The following MAN2A1 variants were observed in gnomAD, a reference collection of about 807,000 sequenced individuals.
MAN2A1 encodes mannosidase alpha class 2A member 1.
In MAN2A1, 76 loss-of-function variants were observed where a neutral mutation model predicts 142.6. The ratio of observed to expected loss-of-function variants is 0.53; its 90% CI spans 0.44 to 0.65. MAN2A1 has a LOEUF of 0.65. MAN2A1 is among the 30% of genes least tolerant of loss of function. MAN2A1 has a pLI of 0.00. For missense variants in MAN2A1, 1,311 were observed against 1,365.1 expected (o/e 0.96, Z 0.62); for synonymous variants, 559 against 473.2 (o/e 1.18, Z -2.35).
intron 4 of MAN2A1, among the ~76,000 whole-genome samples, chr5:109,732,627 C>T (rs1751949526): frequency 1.3e-5 from 2 of 152,106 alleles, no homozygotes. Flanking sequence ...GGAATCCTTT[C>T]CCCATTGCTT....
At chr5:109,864,343 A>G (rs1304060132) in intron 20 of MAN2A1, 2 of 152,246 alleles carry the variant, frequency 1.3e-5, no homozygotes, top group African/African-American at 4.8e-5. Context: ...AATGGATATG[A>G]GAAATTTTAT....
chr5:109,825,983 T>G (rs1452335975), intron 16 of MAN2A1, among the ~76,000 whole-genome samples: 1 of 138,320 alleles, frequency 7.2e-6, no homozygotes, highest in Non-Finnish European at 1.5e-5. Flanking sequence ...CTCGGCTCAC[T>G]GCAGCCTCTG....
At chr5:109,773,448 AT>A (rs1193608375) in intron 7 of MAN2A1, among the ~76,000 whole-genome samples, 1 of 151,908 alleles carries the variant, frequency 6.6e-6, no homozygotes, top group East Asian at 1.9e-4. Context: ...TATATATTTG[AT>A]TATTTTTACT....
intron 9 of MAN2A1, among the ~76,000 whole-genome samples, chr5:109,782,415 G>A (rs927909478): frequency 6.6e-6 from 1 of 152,132 alleles, no homozygotes; most frequent in Non-Finnish European, 1.5e-5. Flanking sequence ...GCCATGTGTG[G>A]CTATGGCTAC....
chr5:109,813,188 T>C (rs1754364509), intron 12 of MAN2A1, among the ~76,000 whole-genome samples: 1 of 152,190 alleles, frequency 6.6e-6, no homozygotes, highest in Non-Finnish European at 1.5e-5. Flanking sequence ...ACAAATATAA[T>C]ATACTTGAAA....
chr5:109,800,343 A>T (rs2112695689), intron 12 of MAN2A1, among the ~76,000 whole-genome samples: 1 of 152,224 alleles, frequency 6.6e-6, no homozygotes, highest in Non-Finnish European at 1.5e-5. Flanking sequence ...CTCTGAAGAG[A>T]CTTGCTATAA....
At chr5:109,705,585 A>G (rs1032998353) in intron 1 of MAN2A1, among the ~76,000 whole-genome samples, 15 of 152,178 alleles carry the variant, frequency 9.9e-5, no homozygotes, top group Non-Finnish European at 5.9e-5. Context: ...TATAAGCTTT[A>G]TTTTTGTAGG....
chr5:109,716,528 A>G (rs1290673450), intron 3 of MAN2A1, among the ~76,000 whole-genome samples: 2 of 152,364 alleles, frequency 1.3e-5, no homozygotes, highest in African/African-American at 4.8e-5. Flanking sequence ...AAAACAGTAT[A>G]TAGTTTTAAG....
rs751756103 is a variant in MAN2A1, at chr5:109,755,310, C to T, written c.708-19C>T. On this transcript the variant is annotated intron_variant, in intron 4 of 21. Coordinates refer to ENST00000261483, the MANE Select transcript of MAN2A1 (RefSeq NM_002372.4). Reference sequence around the variant, plus strand: ...TTCTTAACATTTATTAATGTAGACTCTTGTTATTTTCTCTCTAGTTTAATA... The same window carrying T: ...TTCTTAACATTTATTAATGTAGACTTTTGTTATTTTCTCTCTAGTTTAATA... 1.9e-6 allele frequency: 3 copies of T among 1,593,376 alleles called. No homozygotes were observed. Among genetic ancestry groups the T allele is most frequent in the Non-Finnish European group, 2.6e-6 (3 of 1,164,020 alleles).
intron 12 of MAN2A1, among the ~76,000 whole-genome samples, chr5:109,815,238 T>C (rs1295897437): frequency 6.6e-6 from 1 of 152,148 alleles, no homozygotes; most frequent in Non-Finnish European, 1.5e-5. Context: ...AAATGTAATC[T>C]CTGGTAGGAG....
chr5:109,799,789 C>G (rs1753966548), intron 12 of MAN2A1, among the ~76,000 whole-genome samples: 1 of 147,280 alleles, frequency 6.8e-6, no homozygotes, highest in African/African-American at 2.5e-5. Flanking sequence ...CAAATCACAA[C>G]AAAAAATCTC....
intron 19 of MAN2A1, among the ~76,000 whole-genome samples, chr5:109,850,270 A>G (rs1755451495): frequency 6.6e-6 from 1 of 152,152 alleles, no homozygotes. Flanking sequence ...ACATTTTGCC[A>G]CTGTATTTAT....
chr5:109,690,546 C>G lies in MAN2A1; in HGVS notation c.129C>G (p.Phe43Leu). ...YPRNPRREGS[F>L]PQGQLSMLQE... ...GGAACCCGCGCCGCGAGGGCTCCTT[C>G]CCTCAGGTAAGCACCTGGGAAGGGG... Residue 43 changes from phenylalanine (F) to leucine (L), a missense_variant, in exon 1 of 22, where the codon TTC becomes TTG. Around this residue, in one of 3 missense-constraint regions of MAN2A1, gnomAD observed 409 missense variants for 412.7 expected, o/e 0.99. Transcript: ENST00000261483. The G allele has an allele frequency of 1.9e-6, 3 of 1,602,300 alleles. No homozygotes were observed. Among genetic ancestry groups the G allele is most frequent in the Non-Finnish European group, 2.6e-6 (3 of 1,174,378 alleles).
chr5:109,769,063 A>C (rs1285309251), intron 6 of MAN2A1, among the ~76,000 whole-genome samples: 2 of 152,192 alleles, frequency 1.3e-5, no homozygotes, highest in African/African-American at 4.8e-5. Context: ...AGAGTAGCGC[A>C]TAAGGAGAAT....
At chr5:109,809,311 T>G (rs981685210) in intron 12 of MAN2A1, among the ~76,000 whole-genome samples, 1 of 152,124 alleles carries the variant, frequency 6.6e-6, no homozygotes, top group Non-Finnish European at 1.5e-5. Context: ...TTTTTTTGTG[T>G]TGTCATTTAT....
Position 109,820,211 on chromosome 5 carries a change from A to C in MAN2A1, c.2329-9A>C. The C allele has an allele frequency of 6.3e-7, 1 of 1,596,388 alleles. No individual in the cohort carries two copies. Among genetic ancestry groups the C allele is most frequent in the Non-Finnish European group, 8.5e-7 (1 of 1,169,624 alleles). On this transcript the variant is annotated splice_polypyrimidine_tract_variant and intron_variant, in intron 14 of 21. Transcript: ENST00000261483. ...TGAGTTGCTTATTATTATTTTTTTT[A>C]ATCTTTAGCAAATGATGACTAAAGA...
intron 9 of MAN2A1, 71 bp from the exon 10 acceptor site, chr5:109,784,673 A>G: frequency 8.3e-7 from 1 of 1,202,446 alleles, no homozygotes; most frequent in Admixed American, 2.9e-5. Context: ...GTAAAGTATC[A>G]ATGTCACAAG....
At chr5:109,763,354 G>C (rs1332024241) in intron 5 of MAN2A1, among the ~76,000 whole-genome samples, 1 of 152,104 alleles carries the variant, frequency 6.6e-6, no homozygotes, top group Admixed American at 6.5e-5. Flanking sequence ...GAAAAGCCAG[G>C]TTCAGGGAGA....
intron 20 of MAN2A1, among the ~76,000 whole-genome samples, chr5:109,859,372 A>G (rs1352218940): frequency 6.6e-6 from 1 of 152,144 alleles, no homozygotes; most frequent in Non-Finnish European, 1.5e-5. Context: ...CTTTATATCA[A>G]TTTTTGGAAA....
Sources: allele counts gnomAD v4.1 joint callset (sites outside exome capture counted in the v4.1 genomes callset), GRCh38; gene constraint gnomAD v4.1.1; regional missense constraint gnomAD v4.1.1; transcripts MANE v1.5; gene names NCBI Gene and HGNC (gene_info 2026-07-23, HGNC 2026-07-21).